Variants in PKD1 observed in about 807,000 individuals in gnomAD.
The protein encoded by PKD1 is polycystin 1, transient receptor potential channel interacting, also known as polycystin-1.
In PKD1, 81 loss-of-function variants were observed where a neutral mutation model predicts 361.7. The observed-to-expected ratio is 0.22, with a 90% CI of 0.19 to 0.27. The LOEUF (loss-of-function observed/expected upper bound fraction) is 0.27. Among genes scored for constraint, PKD1 ranks in the 10% least tolerant of loss-of-function variants. The pLI, the probability that PKD1 is intolerant of heterozygous loss-of-function variation, is 1.00. For synonymous variants in PKD1, 3,615 were observed against 2,818.3 expected (o/e 1.28, Z -8.95); for missense variants, 6,399 against 6,118.3 (o/e 1.05, Z -1.53).
intron 30 of PKD1, chr16:2,098,878 T>C (rs1482680117): frequency 7.1e-6 from 1 of 140,852 alleles, no homozygotes; most frequent in Non-Finnish European, 1.5e-5. Context: ...TTGCCCAGGA[T>C]GGAGTGCAGT....
chr16:2,117,929 C>T lies in PKD1; in HGVS notation c.1063G>A (p.Ala355Thr), dbSNP rs1303352586. 1.5e-6 allele frequency: 2 copies of T among 1,365,414 alleles called. No individual in the cohort carries two copies. The highest frequency in any genetic ancestry group is 1.2e-5 in the South Asian group (1 of 81,896). The allele number at this position is 1,365,414 out of a possible 1,614,324, so 84.6% of individuals were successfully genotyped here. A position where few individuals can be genotyped will look rare whatever the true frequency, so the allele number is the denominator to read the frequency against. The change falls in exon 5 of 46, where the codon GCA (alanine) becomes ACA (threonine). Residue 355 changes from alanine to threonine, a missense_variant. Ala to Thr is a moderately conservative substitution (Grantham distance 58, BLOSUM62 0). Coordinates refer to ENST00000262304, the MANE Select transcript of PKD1 (RefSeq NM_001009944.3). ...LLGTDVQVEAAPAALELVCPS... is the reference protein window; with the variant it reads ...LLGTDVQVEATPAALELVCPS... ...CACACGAGCTCCAGGGCGGCAGGTG[C>T]CGCTTCCACCTGCACGTCTGTCCCC... is the stretch of plus-strand genomic sequence containing the variant.
At position 2,109,496 on chromosome 16, in the gene PKD1, C is replaced by A; in HGVS notation, c.5671G>T (p.Val1891Leu). 1 of 1,609,748 alleles carries A rather than the reference C, an allele frequency of 6.2e-7. No homozygotes were observed. Among genetic ancestry groups the A allele is most frequent in the Non-Finnish European group, 8.5e-7 (1 of 1,179,268 alleles). The change falls in exon 15 of 46, where the codon GTG becomes TTG. Residue 1891 changes from valine (V) to leucine (L), a missense_variant. By Grantham distance (32) the Val-to-Leu change is conservative (BLOSUM62 1). Coordinates refer to ENST00000262304, the MANE Select transcript of PKD1 (RefSeq NM_001009944.3). ...LTAEEPIVGL[V>L]LWASSKVVAP... The stretch of plus-strand genomic sequence containing the variant: ...ACCACCTTGCTGCTGGCCCACAGCA[C>A]CAGGCCCACGATGGGCTCCTCCGCC...
intron 16 of PKD1, chr16:2,107,354 C>T: frequency 2.7e-6 from 1 of 372,570 alleles, no homozygotes; most frequent in East Asian, 6.6e-5. Context: ...TGGGATGGAA[C>T]CTGCTCCCAC....
chr16:2,096,816 C>G, intron 34 of PKD1: 2 of 383,610 alleles, frequency 5.2e-6, no homozygotes, highest in Non-Finnish European at 9.6e-6. Context: ...CGCGCCCGGC[C>G]AAAAATGGGG....
Position 2,104,546 on chromosome 16 carries a change from C to T in PKD1, c.8113G>A (p.Gly2705Ser). ...MLILQAETTA[G>S]TVTPTAIGDS... ...CCGATGGCGGTGGGCGTCACGGTGCCCGCGGTGGTCTCTGCCTGCAGGATG... is the reference window on the plus strand; with the variant it reads ...CCGATGGCGGTGGGCGTCACGGTGCTCGCGGTGGTCTCTGCCTGCAGGATG... The change falls in exon 22 of 46, where the codon GGC becomes AGC. Residue 2705 changes from glycine (G) to serine (S), a missense_variant. Physicochemically the swap from Gly to Ser is moderately conservative, Grantham distance 56 (BLOSUM62 0). Transcript: ENST00000262304. The T allele has an allele frequency of 6.3e-7, 1 of 1,587,850 alleles. No individual in the cohort carries two copies. The highest frequency in any genetic ancestry group is 8.6e-7 in the Non-Finnish European group (1 of 1,168,508).
In PKD1 at chr16:2,135,839, G is replaced by C. The variant is rs1467490785; in HGVS notation, c.-150C>G. 3.6e-6 allele frequency: 1 copy of C among 278,426 alleles called. No individual in the cohort carries two copies. The highest frequency in any genetic ancestry group is 1.8e-4 in the East Asian group (1 of 5,702). The allele number at this position is 278,426 out of a possible 1,614,324, so 17.2% of individuals were successfully genotyped here. A position where few individuals can be genotyped will look rare whatever the true frequency, so the allele number is the denominator to read the frequency against. On this transcript the variant is annotated 5_prime_UTR_variant, in exon 1 of 46. Coordinates refer to ENST00000262304, the MANE Select transcript of PKD1 (RefSeq NM_001009944.3). ...TGCTGCTGAGCGACGCCCGCTCGGG[G>C]CTCGGGGCCAGGCCGCTCCGGGAGC...
chr16:2,117,551 C>T lies in PKD1; in HGVS notation c.1323G>A (p.Gly441=), dbSNP rs145776888. 2,628 of 1,601,694 alleles carry T rather than the reference C, an allele frequency of 1.6e-3. 40 individuals are homozygous for T. In the African/African-American group the frequency reaches 0.031, roughly 19 times the overall value. ...QAQEQCQAWA[G]AALAMVDSPA... The stretch of plus-strand genomic sequence containing the variant: ...GACTGTCCACCATTGCCAGGGCGGC[C>T]CCGGCCCAGGCCTGACACTGCTCCT... Residue 441 remains glycine, a synonymous_variant, in exon 6 of 46, where the codon GGG becomes GGA. Coordinates refer to ENST00000262304, the MANE Select transcript of PKD1 (RefSeq NM_001009944.3).
intron 1 of PKD1, among the ~76,000 whole-genome samples, chr16:2,132,325 T>C (rs1002707497): frequency 1.3e-5 from 2 of 150,726 alleles, no homozygotes; most frequent in Non-Finnish European, 2.9e-5. Context: ...ATCCCAGCAC[T>C]TTGGGAGGCC....
Position 2,102,625 on chromosome 16 carries a change from T to C in PKD1, c.8957A>G (p.Asp2986Gly). ...GTTCAGATGGTAACTCCCCGCTGGG[T>C]CTCTGCTCCTGGGCAGGGAAGGGGT... ...YTFFISPGSR[D>G]PAGSYHLNLS... Residue 2986 changes from aspartate to glycine, a missense_variant, in exon 25 of 46, where the codon GAC becomes GGC. Asp to Gly is a moderately conservative substitution (Grantham distance 94). Coordinates refer to ENST00000262304, the MANE Select transcript of PKD1 (RefSeq NM_001009944.3). 6.2e-7 allele frequency: 1 copy of C among 1,610,904 alleles called. No homozygotes were observed. Among genetic ancestry groups the C allele is most frequent in the Non-Finnish European group, 8.5e-7 (1 of 1,179,770 alleles).
Position 2,091,452 on chromosome 16 carries a change from C to T in PKD1, c.11683G>A (p.Ala3895Thr), listed in dbSNP as rs1200946575. 20 of 1,235,174 alleles carry T rather than the reference C, an allele frequency of 1.6e-5. No homozygotes were observed. Among genetic ancestry groups the T allele is most frequent in the Non-Finnish European group, 2.0e-5 (20 of 986,834 alleles). The allele number at this position is 1,235,174 out of a possible 1,614,324, so 76.5% of individuals were successfully genotyped here. ...VRPFALRRLS[A>T]GLSLPLLTSV... is the part of the protein sequence containing the mutation. Reference sequence around the variant, plus strand: ...GTGAGCAGAGGCAGCGAGAGGCCCGCGCTGAGGCGGCGCAGCGCAAAGGGG... The same window carrying T: ...GTGAGCAGAGGCAGCGAGAGGCCCGTGCTGAGGCGGCGCAGCGCAAAGGGG... Residue 3895 changes from alanine to threonine, a missense_variant, in exon 42 of 46, where the codon GCG becomes ACG. Ala to Thr is a moderately conservative substitution (Grantham distance 58). Coordinates refer to ENST00000262304, the MANE Select transcript of PKD1 (RefSeq NM_001009944.3).
rs1309399727 is a variant in PKD1 at position 2,111,784 on chromosome 16, G to T, written c.3383C>A (p.Ser1128Tyr). ...GCCGTCACTCACACCCACAGCCACG[G>T]AGGGCAGGGAGGCGCGCACGCTCAC... ...VPVSVRASLPSVAVGVSDGVL... is the reference protein window; with the variant it reads ...VPVSVRASLPYVAVGVSDGVL... The change falls in exon 15 of 46, where the codon TCC becomes TAC. Residue 1128 changes from serine (S) to tyrosine (Y), a missense_variant. Coordinates refer to ENST00000262304, the MANE Select transcript of PKD1 (RefSeq NM_001009944.3). The T allele has an allele frequency of 9.9e-6, 16 of 1,608,642 alleles. No homozygotes were observed. The South Asian group carries it at 1.7e-4, about 17-fold the overall frequency.
At chr16:2,111,946 C>T (rs1596564321) in intron 14 of PKD1, 75 bp from the exon 15 acceptor site, 1 of 1,498,258 alleles carries the variant, frequency 6.7e-7, no homozygotes, top group Non-Finnish European at 9.2e-7. Context: ...AAGCCCCCCG[C>T]CTGAGGAGCC....
At chr16:2,117,099 T>A in intron 6 of PKD1, 46 bp from the exon 7 acceptor site, 1 of 858,504 alleles carries the variant, frequency 1.2e-6, no homozygotes, top group Non-Finnish European at 1.9e-6. Context: ...CACTCCTCCA[T>A]CCTCCCACCC....
rs149938033 is a variant in PKD1 at position 2,110,904 on chromosome 16, G to A, written c.4263C>T (p.Ala1421=). Residue 1421 remains alanine, a synonymous_variant, in exon 15 of 46, where the codon GCC becomes GCT. Coordinates refer to ENST00000262304, the MANE Select transcript of PKD1 (RefSeq NM_001009944.3). ...CAGGGCCCCTGGCACGGGTGGGGGC[G>A]GCTTCCTCGGTGCCAAAGTCCCAGG... ...RYTWDFGTEE[A]APTRARGPEV... 1,335 of 1,611,438 alleles carry A rather than the reference G, an allele frequency of 8.3e-4. 12 individuals carry two copies. In the African/African-American group the frequency reaches 0.012, roughly 14 times the overall value.
chr16:2,106,028 C>T lies in PKD1; in HGVS notation c.7704-4G>A, dbSNP rs778212840. On this transcript the variant is annotated splice_region_variant and splice_polypyrimidine_tract_variant and intron_variant, in intron 19 of 45. Transcript: ENST00000262304. The surrounding 1 kb of genome is among the most constrained non-coding windows in gnomAD (Gnocchi z 6.5). ...TGGGAGGGTGATGGCCAAAGACCTA[C>T]GAGCAGAGGGGGGTGGTGAGCAGGT... 4.7e-5 allele frequency: 75 copies of T among 1,606,416 alleles called. 1 individual carries two copies. The highest frequency in any genetic ancestry group is 2.3e-4 in the Middle Eastern group (1 of 4,442).
At chr16:2,127,293 TC>T (rs895398924) in intron 1 of PKD1, among the ~76,000 whole-genome samples, 2 of 151,558 alleles carry the variant, frequency 1.3e-5, no homozygotes, top group African/African-American at 4.9e-5. Context: ...TGCCAACACT[TC>T]CCAGCCCCGC....
At chr16:2,125,619 G>A (rs1181693185) in intron 1 of PKD1, among the ~76,000 whole-genome samples, 1 of 152,164 alleles carries the variant, frequency 6.6e-6, no homozygotes, top group Non-Finnish European at 1.5e-5. Flanking sequence ...TGCCTACACA[G>A]ATGGAAAAAC....
rs545371620 is a variant in PKD1, at chr16:2,089,300, G to A, written c.*427C>T. 16 of 239,926 alleles carry A rather than the reference G, an allele frequency of 6.7e-5. 1 individual carries two copies. In the South Asian group the frequency reaches 1.4e-3, roughly 21 times the overall value. 14.9% of individuals were successfully genotyped at this position (239,926 alleles called of 1,614,324 possible). On this transcript the variant is annotated 3_prime_UTR_variant, in exon 46 of 46. Transcript: ENST00000262304. ...AAATTACTGACACGAGACACACAGT[G>A]AGACGGTGCAGGGAGTACGGTAGGA... is the stretch of plus-strand genomic sequence containing the variant.
At position 2,099,451 on chromosome 16, in the gene PKD1, T is replaced by G. The variant is rs564610765; in HGVS notation, c.10050+193A>C. 9.6e-5 allele frequency: 66 copies of G among 688,512 alleles called. 1 individual carries two copies. The highest frequency in any genetic ancestry group is 9.1e-4 in the South Asian group (60 of 66,228). 42.7% of individuals were successfully genotyped at this position (688,512 alleles called of 1,614,324 possible). A position where few individuals can be genotyped will look rare whatever the true frequency, so the allele number is the denominator to read the frequency against. ...CAAAGTGCCCTCGTTCTTTCACCAT[T>G]CTGGCTTCTGAGTCTTCTCTCTTTC... is the stretch of plus-strand genomic sequence containing the variant. On this transcript the variant is annotated intron_variant, in intron 30 of 45. Coordinates refer to ENST00000262304, the MANE Select transcript of PKD1 (RefSeq NM_001009944.3).
Sources: allele counts gnomAD v4.1 joint callset (sites outside exome capture counted in the v4.1 genomes callset), GRCh38; gene constraint gnomAD v4.1.1; non-coding constraint Gnocchi (gnomAD v3.1); transcripts MANE v1.5; gene names NCBI Gene and HGNC (gene_info 2026-07-23, HGNC 2026-07-21).